LPAR1: variants seen among roughly 807,000 people sequenced by gnomAD.
The protein encoded by LPAR1 is lysophosphatidic acid receptor 1.
In LPAR1, 5 loss-of-function variants were observed where a neutral mutation model predicts 23.8. The ratio of observed to expected loss-of-function variants is 0.21; its 90% confidence interval spans 0.11 to 0.44. The LOEUF (loss-of-function observed/expected upper bound fraction) is 0.44, where lower values mean the gene tolerates loss of function less well. Among genes scored for constraint, LPAR1 ranks in the 20% least tolerant of loss-of-function variants. The probability of loss-of-function intolerance (pLI) is 0.99; values close to 1 mark genes in which losing one functional copy is unlikely to be tolerated. For missense variants in LPAR1, 311 were observed against 482.8 expected (o/e 0.64, Z 3.33); for synonymous variants, 160 against 164.7 (o/e 0.97, Z 0.22).
intron 5 of LPAR1, among the ~76,000 whole-genome samples, chr9:110,930,638 G>A (rs1445838154): frequency 1.3e-5 from 2 of 152,142 alleles, no homozygotes; most frequent in African/African-American, 4.8e-5. Context: ...TTAAGAAAGT[G>A]AATATTGGGC....
At position 110,962,267 on chromosome 9, in the gene LPAR1, G is replaced by A. The variant is rs145635943; in HGVS notation, c.45+9806C>T. ...ATCCAGCATGTCAGAGGTGAGCCCTGCACTATGACCTGTGCCATTGAGCTG... is the reference window on the plus strand; with the variant it reads ...ATCCAGCATGTCAGAGGTGAGCCCTACACTATGACCTGTGCCATTGAGCTG... On this transcript the variant is annotated intron_variant, in intron 4 of 5. Transcript: ENST00000683809. 6.5e-4 allele frequency among the ~76,000 whole-genome samples: 99 copies of A among 152,278 alleles called. No homozygotes were observed. In the East Asian group the frequency reaches 0.012, roughly 19 times the overall value.
chr9:110,912,583 T>C (rs543624366), intron 5 of LPAR1, among the ~76,000 whole-genome samples: 1 of 152,270 alleles, frequency 6.6e-6, no homozygotes, highest in East Asian at 1.9e-4. Flanking sequence ...TCTGGGAACA[T>C]TGAGATTTTA....
intron 5 of LPAR1, among the ~76,000 whole-genome samples, chr9:110,883,937 C>G (rs1348854477): frequency 1.3e-5 from 2 of 151,842 alleles, no homozygotes; most frequent in African/African-American, 4.8e-5. Flanking sequence ...TTTTTGGAAT[C>G]TCTTTTCTTC....
chr9:110,945,706 C>G (rs2095350127), intron 4 of LPAR1, among the ~76,000 whole-genome samples: 1 of 152,198 alleles, frequency 6.6e-6, no homozygotes, highest in Non-Finnish European at 1.5e-5. Context: ...AGGCAAAGCT[C>G]TGTTTCTTTC....
At position 110,960,059 on chromosome 9, in the gene LPAR1, T is replaced by C. The variant is rs545180618; in HGVS notation, c.45+12014A>G. ...TAATGGGTACAAACATACAGTTAGA[T>C]AGAAGGAGTAAGTTCTAACATTCGA... On this transcript the variant is annotated intron_variant, in intron 4 of 5. Transcript: ENST00000683809. Among the ~76,000 whole-genome samples the C allele has an allele frequency of 2.8e-4, 43 of 152,238 alleles. 1 individual carries two copies. Among genetic ancestry groups the C allele is most frequent in the Admixed American group, 2.7e-3 (41 of 15,296 alleles).
intron 2 of LPAR1, among the ~76,000 whole-genome samples, chr9:110,981,339 G>A (rs1240463621): frequency 6.6e-6 from 1 of 152,010 alleles, no homozygotes; most frequent in Non-Finnish European, 1.5e-5. Context: ...ACCTTGGGCA[G>A]GTTATGTCAT....
At chr9:110,902,018 C>A (rs920544159) in intron 5 of LPAR1, among the ~76,000 whole-genome samples, 4 of 151,994 alleles carry the variant, frequency 2.6e-5, no homozygotes, top group African/African-American at 9.7e-5. Flanking sequence ...AAAAAAAACA[C>A]AAAAGGAAGC....
chr9:110,902,338 C>A (rs1188918109), intron 5 of LPAR1, among the ~76,000 whole-genome samples: 4 of 152,070 alleles, frequency 2.6e-5, no homozygotes, highest in Non-Finnish European at 5.9e-5. Context: ...TTGTGAGGGA[C>A]CTGGTGGGAG....
intron 2 of LPAR1, among the ~76,000 whole-genome samples, chr9:110,985,459 A>C (rs1554722100): frequency 6.6e-6 from 1 of 152,226 alleles, no homozygotes; most frequent in South Asian, 2.1e-4. Flanking sequence ...AACGCATTCC[A>C]AGGAAGAAAT....
intron 5 of LPAR1, among the ~76,000 whole-genome samples, chr9:110,878,695 C>T (rs1588100861): frequency 6.6e-6 from 1 of 152,294 alleles, no homozygotes; most frequent in East Asian, 1.9e-4. Context: ...AACTGAGATA[C>T]AACTTGTAAA....
intron 2 of LPAR1, among the ~76,000 whole-genome samples, chr9:110,983,103 G>C (rs564462624): frequency 9.2e-5 from 14 of 152,028 alleles, no homozygotes; most frequent in African/African-American, 1.9e-4. Flanking sequence ...CAGTATAGAG[G>C]TTCCTCAAAA....
chr9:111,030,894 G>A (rs1323940468), intron 2 of LPAR1, among the ~76,000 whole-genome samples: 1 of 152,046 alleles, frequency 6.6e-6, no homozygotes, highest in Non-Finnish European at 1.5e-5. Flanking sequence ...GAAAATGGAG[G>A]CAGGCACAGA....
At chr9:111,021,963 CAAAAAAAAAAAAAA>C (rs3030187) in intron 2 of LPAR1, among the ~76,000 whole-genome samples, 2 of 69,842 alleles carry the variant, frequency 2.9e-5, no homozygotes, top group African/African-American at 1.2e-4. Context: ...GACTCCGTCA[CAAAAAAAAAAAAAA>C]AAAAAAAAAA....
chr9:110,971,217 T>C (rs912092299), intron 4 of LPAR1, among the ~76,000 whole-genome samples: 2 of 152,094 alleles, frequency 1.3e-5, no homozygotes, highest in African/African-American at 4.8e-5. Flanking sequence ...AGAAAGAAGA[T>C]AAATGAAGAG....
chr9:111,006,344 T>C (rs1007468163), intron 2 of LPAR1, among the ~76,000 whole-genome samples: 12 of 152,156 alleles, frequency 7.9e-5, no homozygotes, highest in African/African-American at 2.7e-4. Context: ...CAATGGCCAT[T>C]AGGAAGAAAA....
At position 111,014,952 on chromosome 9, in the gene LPAR1, A is replaced by G. The variant is rs2097411649; in HGVS notation, c.-182+21170T>C. ...GACCACATTTGGAGCCAGGGTCTAT[A>G]AAGAGGTAATTAAGTTAGAATGAGG... is the stretch of plus-strand genomic sequence containing the variant. On this transcript the variant is annotated intron_variant, in intron 2 of 5. Coordinates refer to ENST00000683809, the MANE Select transcript of LPAR1 (RefSeq NM_001351411.2). Among the ~76,000 whole-genome samples, 10 of 151,958 alleles carry G rather than the reference A, an allele frequency of 6.6e-5. No individual in the cohort carries two copies. In the South Asian group the frequency reaches 2.1e-3, roughly 32 times the overall value.
At chr9:110,897,591 C>G (rs192879058) in intron 5 of LPAR1, among the ~76,000 whole-genome samples, 1 of 152,292 alleles carries the variant, frequency 6.6e-6, no homozygotes, top group East Asian at 1.9e-4. Context: ...ATCTGTTTAT[C>G]TGAATGTGGA....
At chr9:110,999,645 C>T (rs997167702) in intron 2 of LPAR1, among the ~76,000 whole-genome samples, 15 of 152,118 alleles carry the variant, frequency 9.9e-5, no homozygotes, top group Admixed American at 5.2e-4. Flanking sequence ...TTGTGGTCTG[C>T]GATCTTCTCA....
At chr9:110,938,649 C>T (rs2094885348) in intron 5 of LPAR1, among the ~76,000 whole-genome samples, 1 of 150,998 alleles carries the variant, frequency 6.6e-6, no homozygotes, top group Non-Finnish European at 1.5e-5. Context: ...AACCCAGAAG[C>T]TCAAGACCAG....
Sources: allele counts gnomAD v4.1 joint callset (sites outside exome capture counted in the v4.1 genomes callset), GRCh38; gene constraint gnomAD v4.1.1; transcripts MANE v1.5; gene names NCBI Gene and HGNC (gene_info 2026-07-23, HGNC 2026-07-21).